The following TBCE variants were observed in gnomAD, a reference collection of about 807,000 sequenced individuals.
TBCE encodes the protein tubulin folding cofactor E.
TBCE carries 53 observed loss-of-function variants against 77.0 expected under a neutral mutation model. The ratio of observed to expected loss-of-function variants is 0.69; its 90% CI spans 0.55 to 0.87. The LOEUF (loss-of-function observed/expected upper bound fraction) is 0.87. TBCE is among the 40% of genes least tolerant of loss of function. The pLI, the probability that TBCE is intolerant of heterozygous loss-of-function variation, is 0.00. For synonymous variants in TBCE, 235 were observed against 241.3 expected, an observed-to-expected ratio of 0.97 and a Z score of 0.24; for missense variants, 624 against 622.4, an observed-to-expected ratio of 1.00 and a Z score of -0.03.
chr1:235,430,954 T>C lies in TBCE; in HGVS notation c.660+150T>C, dbSNP rs1334049993. 5 of 721,336 alleles carry C rather than the reference T, an allele frequency of 6.9e-6. No homozygotes were observed. In the Admixed American group the frequency reaches 1.2e-4, roughly 18 times the overall value. 44.7% of individuals were successfully genotyped at this position (721,336 alleles called of 1,614,324 possible). On this transcript the variant is annotated intron_variant, in intron 7 of 16. Coordinates refer to ENST00000642610, the MANE Select transcript of TBCE (RefSeq NM_003193.5). ...TAATAGATAACAAGATTCATTAAAG[T>C]GCCTTATAAAAACGAGTTAAAAGAG...
At chr1:235,415,835 C>T (rs745992297) in intron 4 of TBCE, 1 of 151,792 alleles carries the variant, frequency 6.6e-6, no homozygotes, top group East Asian at 1.9e-4. Context: ...ACAGATTGAA[C>T]AAAAAAGTAT....
chr1:235,407,187 A>G (rs1236257355), intron 3 of TBCE, among the ~76,000 whole-genome samples: 1 of 145,818 alleles, frequency 6.9e-6, no homozygotes, highest in Non-Finnish European at 1.5e-5. Context: ...AGGTAGTAGT[A>G]CAGTGGCACA....
intron 3 of TBCE, among the ~76,000 whole-genome samples, chr1:235,403,352 G>T (rs1029635347): frequency 2.6e-5 from 4 of 152,120 alleles, no homozygotes; most frequent in Admixed American, 2.6e-4. Context: ...GATCACAGGC[G>T]AACGCTACCA....
Position 235,439,008 on chromosome 1 carries a change from G to A in TBCE, c.1270+86G>A, listed in dbSNP as rs1681648373. 2.5e-6 allele frequency: 4 copies of A among 1,589,252 alleles called. No individual in the cohort carries two copies. The South Asian group carries it at 3.3e-5, about 13-fold the overall frequency. ...TCTTGGGTATCAAAAGAGGTTCTCA[G>A]TGTTGCTTTTGCCCTTCTTCCTTTC... On this transcript the variant is annotated intron_variant, in intron 13 of 16. Transcript: ENST00000642610.
intron 4 of TBCE, chr1:235,419,044 T>C (rs1055670621): frequency 5.8e-5 from 17 of 291,044 alleles, no homozygotes; most frequent in Non-Finnish European, 9.4e-5. Context: ...CCGTCTCTAC[T>C]AAAAACACAA....
intron 2 of TBCE, among the ~76,000 whole-genome samples, chr1:235,383,128 A>T (rs1292433651): frequency 1.0e-4 from 15 of 144,824 alleles, no homozygotes; most frequent in Middle Eastern, 3.6e-3. Context: ...ATAGTTGTAG[A>T]TATGCGGCGT....
intron 1 of TBCE, among the ~76,000 whole-genome samples, chr1:235,370,320 C>T (rs538446644): frequency 1.8e-3 from 265 of 144,976 alleles, no homozygotes; most frequent in African/African-American, 6.4e-3. Flanking sequence ...GTGGTACGTT[C>T]TCGGCTCACT....
intron 15 of TBCE, 68 bp from the exon 16 acceptor site, chr1:235,448,281 C>G: frequency 8.7e-7 from 1 of 1,147,592 alleles, no homozygotes; most frequent in Non-Finnish European, 1.3e-6. Context: ...GTGGTCTCAT[C>G]ACATGAGCTA....
chr1:235,368,973 T>C (rs1003644318), intron 1 of TBCE, among the ~76,000 whole-genome samples: 1 of 152,184 alleles, frequency 6.6e-6, no homozygotes, highest in Admixed American at 6.6e-5. Flanking sequence ...ATCTCTTCCA[T>C]ATATATCAGC....
intron 1 of TBCE, among the ~76,000 whole-genome samples, chr1:235,378,816 G>A (rs1325255290): frequency 2.0e-5 from 3 of 152,098 alleles, no homozygotes; most frequent in East Asian, 1.9e-4. Context: ...AGCAGAGATC[G>A]TGCCACTGCA....
intron 2 of TBCE, among the ~76,000 whole-genome samples, chr1:235,386,557 C>T (rs1018357621): frequency 6.6e-6 from 1 of 152,108 alleles, no homozygotes; most frequent in Non-Finnish European, 1.5e-5. Flanking sequence ...TTTCATCTTC[C>T]ATCACTGATA....
rs1197282180 is a variant in TBCE at position 235,448,579 on chromosome 1, G to A, written c.1492-91G>A. 2.9e-6 allele frequency: 4 copies of A among 1,377,980 alleles called. No individual in the cohort carries two copies. In the African/African-American group the frequency reaches 5.7e-5, roughly 20 times the overall value. The allele number at this position is 1,377,980 out of a possible 1,614,324, so 85.4% of individuals were successfully genotyped here. ...TGTTTGATTTTAAGGGTAAGCTACT[G>A]CCTGGGGACGGGGTGGGGGAAGAGT... On this transcript the variant is annotated intron_variant, in intron 16 of 16. Transcript: ENST00000642610.
intron 6 of TBCE, chr1:235,428,963 A>ATG (rs1200547096): frequency 5.5e-4 from 71 of 129,612 alleles, no homozygotes; most frequent in African/African-American, 1.8e-3. Flanking sequence ...GTATATATGT[A>ATG]TGTGTGTATA....
intron 7 of TBCE, chr1:235,433,985 C>T: frequency 1.7e-6 from 1 of 590,672 alleles, no homozygotes; most frequent in South Asian, 2.0e-5. Flanking sequence ...TCAAAGTGCC[C>T]ACAGTGTGTG....
chr1:235,433,092 G>A (rs1681202227), intron 7 of TBCE: 1 of 1,536,966 alleles, frequency 6.5e-7, no homozygotes, highest in Non-Finnish European at 8.7e-7. Context: ...GGATGAACGT[G>A]GCCAAGGCCA....
chr1:235,423,788 A>G (rs1680545445), intron 5 of TBCE: 1 of 152,226 alleles, frequency 6.6e-6, no homozygotes, highest in Non-Finnish European at 1.5e-5. Flanking sequence ...GCAGGTACTC[A>G]TATTACCGAT....
At chr1:235,438,257 A>T (rs759973550) in intron 12 of TBCE, among the ~76,000 whole-genome samples, 32 of 152,240 alleles carry the variant, frequency 2.1e-4, no homozygotes, top group Non-Finnish European at 1.8e-4. Flanking sequence ...CGCATGAATT[A>T]AAAGTGTAGG....
In TBCE at chr1:235,448,744, T is replaced by C. The variant is rs147519707; in HGVS notation, c.1566T>C (p.Cys522=). 9 of 1,613,362 alleles carry C rather than the reference T, an allele frequency of 5.6e-6. No individual in the cohort carries two copies. Among genetic ancestry groups the C allele is most frequent in the African/African-American group, 2.7e-5 (2 of 74,900 alleles). The change falls in exon 17 of 17, where the codon TGT becomes TGC. Residue 522 remains cysteine (C), a synonymous_variant. Coordinates refer to ENST00000642610, the MANE Select transcript of TBCE (RefSeq NM_003193.5). ...LQFYSVENGD[C]LLVRW is the part of the protein sequence containing the mutation. The stretch of plus-strand genomic sequence containing the variant: ...TTTATTCTGTGGAAAATGGAGATTG[T>C]CTATTAGTGCGATGGTGACAACCAA...
intron 2 of TBCE, among the ~76,000 whole-genome samples, chr1:235,394,560 T>C (rs1678613428): frequency 1.3e-5 from 2 of 151,392 alleles, no homozygotes; most frequent in Non-Finnish European, 1.5e-5. Flanking sequence ...CCTCCCAAGT[T>C]GCTGGGACTA....
Sources: gnomAD v4.1 joint callset for allele counts (sites outside exome capture counted in the v4.1 genomes callset) on GRCh38, gnomAD v4.1.1 for gene constraint, MANE v1.5 for transcripts, NCBI Gene and HGNC (gene_info 2026-07-23, HGNC 2026-07-21) for gene names.